GNAL: variants seen among roughly 807,000 people sequenced by gnomAD.
The protein encoded by GNAL is G protein subunit alpha L, also known as guanine nucleotide-binding protein G(olf) subunit alpha.
Under a neutral mutation model 55.1 loss-of-function variants are expected in GNAL, and 18 were observed. That is an observed-to-expected ratio of 0.33 (90% CI 0.23 to 0.48). The LOEUF is 0.48. Among genes scored for constraint, GNAL ranks in the 20% least tolerant of loss-of-function variants. The probability of loss-of-function intolerance (pLI) is 0.99; values close to 1 mark genes in which losing one functional copy is unlikely to be tolerated. For missense variants in GNAL, 412 were observed against 614.1 expected (o/e 0.67, Z 3.48); for synonymous variants, 253 against 237.0 (o/e 1.07, Z -0.62).
rs547373890 is a variant in GNAL, at chr18:11,701,301, A to T, written c.376+11362A>T. Among the ~76,000 whole-genome samples the T allele has an allele frequency of 2.6e-5, 4 of 152,226 alleles. No homozygotes were observed. The East Asian group carries it at 7.7e-4, about 29-fold the overall frequency. ...AATGTCAATGTTTGTACACAAATGC[A>T]TAATGCTGGCCAGGCGCGGTGGCTC... On this transcript the variant is annotated intron_variant, in intron 1 of 11. Coordinates refer to ENST00000334049, the MANE Select transcript of GNAL (RefSeq NM_182978.4).
chr18:11,824,646 C>G (rs2035191806), intron 4 of GNAL, among the ~76,000 whole-genome samples: 1 of 151,524 alleles, frequency 6.6e-6, no homozygotes, highest in Non-Finnish European at 1.5e-5. Context: ...CAAGATGGCA[C>G]CACTGCACTC....
chr18:11,786,988 C>G (rs1254904097), intron 4 of GNAL, among the ~76,000 whole-genome samples: 1 of 151,870 alleles, frequency 6.6e-6, no homozygotes, highest in East Asian at 1.9e-4. Flanking sequence ...GCCTGTAATC[C>G]CAGCAGTTTG....
intron 4 of GNAL, among the ~76,000 whole-genome samples, chr18:11,785,836 G>T (rs2034041116): frequency 6.6e-6 from 1 of 152,166 alleles, no homozygotes. Context: ...TCAGCCCCGT[G>T]TTGAGCTGTT....
At position 11,877,347 on chromosome 18, in the gene GNAL, C is replaced by A. The variant is rs557004707; in HGVS notation, c.1230+659C>A. ...GCATGCGCCTGTAATCCCAGCTACT[C>A]TGGAGGCTGAGGCAGGAGAATTGCT... On this transcript the variant is annotated intron_variant, in intron 11 of 11. Transcript: ENST00000334049. Among the ~76,000 whole-genome samples the A allele has an allele frequency of 2.1e-3, 323 of 152,228 alleles. 1 individual carries two copies. The highest frequency in any genetic ancestry group is 7.5e-3 in the African/African-American group (310 of 41,524).
At chr18:11,797,765 C>T (rs1474844336) in intron 4 of GNAL, among the ~76,000 whole-genome samples, 1 of 143,026 alleles carries the variant, frequency 7.0e-6, no homozygotes, top group Non-Finnish European at 1.5e-5. Context: ...CCTTGTCTCA[C>T]AGAAAAAAAA....
At chr18:11,827,475 A>G (rs9962861) in intron 5 of GNAL, among the ~76,000 whole-genome samples, 46,253 of 151,698 alleles carry the variant, frequency 0.3, 8,446 homozygotes, top group African/African-American at 0.51. Flanking sequence ...TTAGCCAGGC[A>G]TGGTGCTGGA....
chr18:11,690,005 G>A, intron 1 of GNAL, 66 bp downstream of exon 1: 1 of 985,686 alleles, frequency 1.0e-6, no homozygotes, highest in African/African-American at 1.9e-5. Flanking sequence ...GGGGGCGGCG[G>A]GCACCGGGGA....
chr18:11,867,331 G>A, intron 8 of GNAL, 105 bp downstream of exon 8: 4 of 756,018 alleles, frequency 5.3e-6, no homozygotes, highest in Admixed American at 4.5e-5. Flanking sequence ...AATATGTAAA[G>A]TATAGCATTT....
intron 1 of GNAL, among the ~76,000 whole-genome samples, chr18:11,735,023 G>A (rs1037600751): frequency 2.0e-5 from 3 of 149,326 alleles, no homozygotes; most frequent in African/African-American, 7.4e-5. Context: ...GGATTGGTGG[G>A]CATTTGATAA....
chr18:11,796,175 C>G lies in GNAL; in HGVS notation c.625-28743C>G, dbSNP rs371044303. Among the ~76,000 whole-genome samples, 85 of 152,220 alleles carry G rather than the reference C, an allele frequency of 5.6e-4. 1 individual carries two copies. In the South Asian group the frequency reaches 0.017, roughly 31 times the overall value. On this transcript the variant is annotated intron_variant, in intron 4 of 11. Coordinates refer to ENST00000334049, the MANE Select transcript of GNAL (RefSeq NM_182978.4). ...AGCAGGAAGCCAGTGAAAGGTGATC[C>G]CAGGCCACCAACACCACCAACAATG... is the stretch of plus-strand genomic sequence containing the variant.
chr18:11,823,373 C>T (rs2035155803), intron 4 of GNAL, among the ~76,000 whole-genome samples: 1 of 152,090 alleles, frequency 6.6e-6, no homozygotes, highest in Admixed American at 6.5e-5. Context: ...TTTGGGTTTG[C>T]TGATAATGGT....
chr18:11,849,501 C>CAAA (rs71172025), intron 5 of GNAL, among the ~76,000 whole-genome samples: 24 of 130,480 alleles, frequency 1.8e-4, no homozygotes, highest in African/African-American at 6.1e-4. Flanking sequence ...GATTTCATCT[C>CAAA]AAAAAAAAAA....
intron 5 of GNAL, chr18:11,852,811 C>A (rs1187367728): frequency 6.0e-6 from 1 of 166,894 alleles, no homozygotes. Flanking sequence ...CGAATAACTT[C>A]CTTTATTATC....
chr18:11,826,564 T>C (rs1055695494), intron 5 of GNAL, among the ~76,000 whole-genome samples: 19 of 152,068 alleles, frequency 1.2e-4, no homozygotes, highest in Admixed American at 2.0e-4. Context: ...GGAAAGTAGA[T>C]TGCAGAAGGC....
chr18:11,870,480 C>CGCTG (rs2036371759), intron 9 of GNAL, among the ~76,000 whole-genome samples: 1 of 152,010 alleles, frequency 6.6e-6, no homozygotes, highest in South Asian at 2.1e-4. Flanking sequence ...GAGATCGCAC[C>CGCTG]ACTGAACTCC....
intron 4 of GNAL, among the ~76,000 whole-genome samples, chr18:11,787,459 CAT>C (rs772118766): frequency 2.0e-5 from 3 of 152,214 alleles, no homozygotes; most frequent in African/African-American, 4.8e-5. Context: ...GTCATAATGA[CAT>C]GTTGCGGAAC....
chr18:11,742,832 A>T (rs2143483937), intron 1 of GNAL, among the ~76,000 whole-genome samples: 1 of 152,316 alleles, frequency 6.6e-6, no homozygotes, highest in South Asian at 2.1e-4. Flanking sequence ...CACGCCACCT[A>T]GCCCTCGGCT....
At chr18:11,798,707 C>T (rs1025991123) in intron 4 of GNAL, among the ~76,000 whole-genome samples, 1 of 152,032 alleles carries the variant, frequency 6.6e-6, no homozygotes, top group Non-Finnish European at 1.5e-5. Flanking sequence ...TGTTAAATGC[C>T]TTCATGGATT....
intron 5 of GNAL, chr18:11,852,668 A>T (rs1242768529): frequency 3.0e-5 from 5 of 164,944 alleles, no homozygotes; most frequent in Non-Finnish European, 4.4e-5. Context: ...CTCATAACGT[A>T]TATTATTAAT....
Sources: gnomAD v4.1 joint callset for allele counts (sites outside exome capture counted in the v4.1 genomes callset) on GRCh38, gnomAD v4.1.1 for gene constraint, MANE v1.5 for transcripts, NCBI Gene and HGNC (gene_info 2026-07-23, HGNC 2026-07-21) for gene names.